The following FRMPD4 variants were observed in gnomAD, a reference collection of about 807,000 sequenced individuals.
The protein encoded by FRMPD4 is FERM and PDZ domain-containing protein 4.
Under a neutral mutation model 94.1 loss-of-function variants are expected in FRMPD4, and 22 were observed. The observed-to-expected ratio is 0.23, with a 90% CI of 0.17 to 0.33. The LOEUF is 0.33. FRMPD4 is among the 10% of genes least tolerant of loss of function. The pLI is 1.00. For missense variants in FRMPD4, 1,111 were observed against 1,339.9 expected (o/e 0.83, Z 2.67); for synonymous variants, 631 against 548.6 (o/e 1.15, Z -2.10).
chrX:11,926,230 T>C (rs923900238), intron 3 of FRMPD4, among the ~76,000 whole-genome samples: 3 of 92,603 alleles, frequency 3.2e-5, no homozygotes, highest in African/African-American at 1.3e-4. Flanking sequence ...AGCTCTGAAA[T>C]TGAGGTAATA....
chrX:11,985,440 A>T (rs997928188), intron 3 of FRMPD4, among the ~76,000 whole-genome samples: 2 of 112,120 alleles, frequency 1.8e-5, no homozygotes, highest in Non-Finnish European at 3.8e-5. Context: ...AGATGCTGAG[A>T]CCTGCTGGCT....
At chrX:12,545,844 C>CAA (rs2058468779) in intron 2 of FRMPD4, among the ~76,000 whole-genome samples, 2 of 112,944 alleles carry the variant, frequency 1.8e-5, no homozygotes, top group African/African-American at 6.4e-5. Flanking sequence ...AAGCCCTTGG[C>CAA]TTAAGGGAAA....
At chrX:12,305,375 G>A (rs1236597696) in intron 1 of FRMPD4, among the ~76,000 whole-genome samples, 1 of 111,494 alleles carries the variant, frequency 9.0e-6, no homozygotes, top group East Asian at 2.8e-4. Flanking sequence ...CACATTCTCA[G>A]GTGACAGGCA....
At chrX:12,263,871 A>G (rs925389686) in intron 1 of FRMPD4, among the ~76,000 whole-genome samples, 3 of 111,706 alleles carry the variant, frequency 2.7e-5, no homozygotes, top group Non-Finnish European at 3.8e-5. Flanking sequence ...GCTTCTTGCT[A>G]TGTCATCCCA....
chrX:12,227,824 GGAGAGAGA>G (rs750580451), intron 1 of FRMPD4, among the ~76,000 whole-genome samples: 45 of 94,591 alleles, frequency 4.8e-4, no homozygotes, highest in African/African-American at 1.6e-3. Flanking sequence ...AGAAAGAGAG[GGAGAGAGA>G]GAGAGAGAGA....
At chrX:12,713,482 GAGA>G (rs2042024906) in intron 14 of FRMPD4, among the ~76,000 whole-genome samples, 1 of 39,409 alleles carries the variant, frequency 2.5e-5, no homozygotes, top group African/African-American at 1.2e-4. Context: ...GAGGTAGGTG[GAGA>G]GAGAGAGAGA....
chrX:12,719,600 G>C (rs924769268), intron 16 of FRMPD4, among the ~76,000 whole-genome samples: 1 of 111,727 alleles, frequency 9.0e-6, no homozygotes, highest in Non-Finnish European at 1.9e-5. Context: ...TCTTATATTG[G>C]TCATTTTCTA....
intron 1 of FRMPD4, among the ~76,000 whole-genome samples, chrX:12,493,934 T>A (rs2057818001): frequency 8.9e-6 from 1 of 112,202 alleles, no homozygotes; most frequent in Non-Finnish European, 1.9e-5. Flanking sequence ...CACTGTGAGC[T>A]AGTTGTTATT....
chrX:12,273,032 G>C (rs1309264063), intron 1 of FRMPD4, among the ~76,000 whole-genome samples: 1 of 108,361 alleles, frequency 9.2e-6, no homozygotes, highest in Non-Finnish European at 1.9e-5. Context: ...AGCCAAGATT[G>C]CACCACTGTA....
At position 12,407,611 on chromosome X, in the gene FRMPD4, C is replaced by A. The variant is rs768559891; in HGVS notation, c.42-91069C>A. ...AAGATACACTAGCTATTGATGTTGTCACTCATGGAGCTGTTACAAGAATTA... is the reference window on the plus strand; with the variant it reads ...AAGATACACTAGCTATTGATGTTGTAACTCATGGAGCTGTTACAAGAATTA... On this transcript the variant is annotated intron_variant, in intron 1 of 16. Coordinates refer to ENST00000675598, the MANE Select transcript of FRMPD4 (RefSeq NM_001368397.1). Among the ~76,000 whole-genome samples the A allele has an allele frequency of 3.4e-4, 38 of 112,373 alleles. 1 individual carries two copies. Among genetic ancestry groups the A allele is most frequent in the African/African-American group, 1.2e-3 (36 of 30,964 alleles).
chrX:11,942,948 T>C (rs2054169460), intron 3 of FRMPD4, among the ~76,000 whole-genome samples: 1 of 112,235 alleles, frequency 8.9e-6, no homozygotes, highest in East Asian at 2.8e-4. Context: ...CTGCCTATCC[T>C]GGATATTTCA....
intron 2 of FRMPD4, among the ~76,000 whole-genome samples, chrX:12,563,345 A>T (rs1054530147): frequency 2.7e-5 from 3 of 111,537 alleles, no homozygotes; most frequent in African/African-American, 9.8e-5. Flanking sequence ...TCCCAGAGCA[A>T]CTCAGTGAGA....
At chrX:12,575,676 T>C (rs1438483) in intron 2 of FRMPD4, among the ~76,000 whole-genome samples, 25,653 of 110,938 alleles carry the variant, frequency 0.23, 2,469 homozygotes, top group African/African-American at 0.37. Flanking sequence ...AACAGGGAGA[T>C]CATCTTGGAT....
intron 3 of FRMPD4, among the ~76,000 whole-genome samples, chrX:12,072,742 A>C (rs1456177040): frequency 9.0e-6 from 1 of 111,574 alleles, no homozygotes; most frequent in African/African-American, 3.3e-5. Context: ...AGCATGTCAC[A>C]ATAAACATAT....
intron 3 of FRMPD4, among the ~76,000 whole-genome samples, chrX:11,941,962 T>C (rs2054162312): frequency 8.9e-6 from 1 of 111,928 alleles, no homozygotes; most frequent in Non-Finnish European, 1.9e-5. Context: ...GCAGTGGAGA[T>C]AAGAAGAAAA....
Position 11,897,705 on chromosome X carries a change from G to T in FRMPD4, c.95+19687G>T, listed in dbSNP as rs148899043. The stretch of plus-strand genomic sequence containing the variant: ...ATCATTGTGTACCATGTGTGCCATG[G>T]ATTGTGCTAGATAATGGAGATAAAT... On this transcript the variant is annotated intron_variant, in intron 3 of 18. Transcript: ENST00000640291. 5.3e-5 allele frequency among the ~76,000 whole-genome samples: 6 copies of T among 112,298 alleles called. No individual in the cohort carries two copies. The East Asian group carries it at 1.7e-3, about 31-fold the overall frequency.
chrX:12,198,577 A>G (rs1313221531), intron 1 of FRMPD4, among the ~76,000 whole-genome samples: 1 of 111,712 alleles, frequency 9.0e-6, no homozygotes, highest in Non-Finnish European at 1.9e-5. Flanking sequence ...GACGCCTTAG[A>G]TTCAAGTGCC....
In FRMPD4 at chrX:12,685,101, G is replaced by A. The variant is rs751500703; in HGVS notation, c.574-996G>A. 3.6e-5 allele frequency among the ~76,000 whole-genome samples: 4 copies of A among 112,185 alleles called. No homozygotes were observed. The East Asian group carries it at 1.1e-3, about 31-fold the overall frequency. On this transcript the variant is annotated intron_variant, in intron 6 of 16. Coordinates refer to ENST00000675598, the MANE Select transcript of FRMPD4 (RefSeq NM_001368397.1). ...AGTCCACAGGAGCAGAAAAGAGGGG[G>A]AGGAAATTCAGGAAAAGAAATAGGA...
chrX:12,205,994 C>T (rs1190240359), intron 1 of FRMPD4, among the ~76,000 whole-genome samples: 2 of 111,901 alleles, frequency 1.8e-5, no homozygotes, highest in Non-Finnish European at 3.8e-5. Context: ...GCCTGTGAAA[C>T]GTACAATGGG....
Sources: gnomAD v4.1 joint callset for allele counts (sites outside exome capture counted in the v4.1 genomes callset) on GRCh38, gnomAD v4.1.1 for gene constraint, MANE v1.5 for transcripts, NCBI Gene and HGNC (gene_info 2026-07-23, HGNC 2026-07-21) for gene names.